Variants in DLGAP1 observed in about 807,000 individuals in gnomAD.
The protein encoded by DLGAP1 is DLG associated protein 1, also known as disks large-associated protein 1.
A neutral mutation model predicts 90.8 loss-of-function variants in DLGAP1; 11 were observed. The observed-to-expected ratio is 0.12, with a 90% CI of 0.08 to 0.20. The LOEUF is 0.20. Ranked by LOEUF, DLGAP1 falls within the 10% of genes least tolerant of loss-of-function variation. The probability of loss-of-function intolerance (pLI) is 1.00; values close to 1 mark genes in which losing one functional copy is unlikely to be tolerated. For missense variants in DLGAP1, 1,050 were observed against 1,333.8 expected (o/e 0.79, Z 3.31); for synonymous variants, 558 against 540.7 (o/e 1.03, Z -0.44).
At position 3,499,254 on chromosome 18, in the gene DLGAP1, G is replaced by A. The variant is rs759812456; in HGVS notation, c.2865C>T (p.Arg955=). 6.3e-7 allele frequency: 1 copy of A among 1,599,448 alleles called. No homozygotes were observed. Among genetic ancestry groups the A allele is most frequent in the Admixed American group, 1.7e-5 (1 of 58,948 alleles). The change falls in exon 13 of 13, where the codon CGC becomes CGT. Residue 955 remains arginine, a synonymous_variant. Coordinates refer to ENST00000315677, the MANE Select transcript of DLGAP1 (RefSeq NM_004746.4). The surrounding 1 kb of genome is among the most constrained non-coding windows in gnomAD (Gnocchi z 6.4). Reference sequence around the variant, plus strand: ...CGGCGCTCTCGGTGGCCGAGTTCTGGCGGACGGACGCGGCGCGCTTGGCGG... The same window carrying A: ...CGGCGCTCTCGGTGGCCGAGTTCTGACGGACGGACGCGGCGCGCTTGGCGG... ...LMAAKRAASV[R]QNSATESAES... is the part of the protein sequence containing the mutation.
At chr18:3,555,841 T>C (rs1348422677) in intron 9 of DLGAP1, among the ~76,000 whole-genome samples, 1 of 151,948 alleles carries the variant, frequency 6.6e-6, no homozygotes, top group Non-Finnish European at 1.5e-5. Context: ...CAAATAAATT[T>C]AAAAACCTGG....
intron 1 of DLGAP1, among the ~76,000 whole-genome samples, chr18:4,278,696 CAT>C (rs536195368): frequency 1.5e-4 from 22 of 151,510 alleles, no homozygotes; most frequent in Admixed American, 8.6e-4. Flanking sequence ...ATAACATTTT[CAT>C]ATATATATGT....
intron 3 of DLGAP1, among the ~76,000 whole-genome samples, chr18:3,915,316 T>C (rs1333357301): frequency 6.6e-6 from 1 of 152,144 alleles, no homozygotes; most frequent in Non-Finnish European, 1.5e-5. Context: ...TGTATAAAAA[T>C]AAGAGAATGC....
At chr18:4,100,703 T>C (rs1234494551) in intron 2 of DLGAP1, among the ~76,000 whole-genome samples, 1 of 137,680 alleles carries the variant, frequency 7.3e-6, no homozygotes, top group Non-Finnish European at 1.6e-5. Context: ...TGGTTTACTG[T>C]AGCCACCTTC....
intron 8 of DLGAP1, among the ~76,000 whole-genome samples, chr18:3,568,936 TC>T (rs1418253505): frequency 1.3e-5 from 2 of 151,990 alleles, no homozygotes; most frequent in African/African-American, 4.8e-5. Context: ...TCCGCCCGCC[TC>T]GGCCTCCCAA....
intron 5 of DLGAP1, among the ~76,000 whole-genome samples, chr18:3,743,069 A>C (rs1016598894): frequency 1.1e-4 from 16 of 151,774 alleles, no homozygotes; most frequent in Admixed American, 9.2e-4. Flanking sequence ...AAAAGGCACA[A>C]CTCTCAATCT....
intron 2 of DLGAP1, among the ~76,000 whole-genome samples, chr18:4,146,220 C>T (rs1433707255): frequency 6.6e-6 from 1 of 152,198 alleles, no homozygotes; most frequent in Non-Finnish European, 1.5e-5. Context: ...ATTTTATACA[C>T]TACCTCTGGT....
At chr18:4,238,110 T>C (rs970092807) in intron 1 of DLGAP1, among the ~76,000 whole-genome samples, 1 of 152,182 alleles carries the variant, frequency 6.6e-6, no homozygotes, top group African/African-American at 2.4e-5. Context: ...ATTTTAGATG[T>C]CAGATTTTTG....
intron 1 of DLGAP1, among the ~76,000 whole-genome samples, chr18:4,176,917 T>G (rs796510533): frequency 3.2e-4 from 48 of 152,300 alleles, no homozygotes; most frequent in African/African-American, 1.1e-3. Flanking sequence ...TCATGCACTG[T>G]GTGCCCAGCA....
At chr18:3,958,454 G>C (rs1294846266) in intron 3 of DLGAP1, among the ~76,000 whole-genome samples, 1 of 101,070 alleles carries the variant, frequency 9.9e-6, no homozygotes, top group Admixed American at 1.3e-4. Context: ...TGCAAATTAG[G>C]ATAAGCAAAA....
intron 7 of DLGAP1, among the ~76,000 whole-genome samples, chr18:3,651,124 G>T (rs1449556722): frequency 2.0e-5 from 3 of 151,640 alleles, no homozygotes; most frequent in Non-Finnish European, 4.4e-5. Context: ...ACTTTGGGAG[G>T]CTGAGGTGGG....
intron 1 of DLGAP1, among the ~76,000 whole-genome samples, chr18:4,436,151 T>C (rs927152702): frequency 6.6e-6 from 1 of 152,294 alleles, no homozygotes; most frequent in Non-Finnish European, 1.5e-5. Flanking sequence ...ATGGTCATAT[T>C]AGGGAGATAC....
intron 4 of DLGAP1, among the ~76,000 whole-genome samples, chr18:3,833,198 C>A (rs1259067780): frequency 0.047 from 531 of 11,246 alleles, 61 homozygotes; most frequent in African/African-American, 0.12. Flanking sequence ...TCCTTCCTTC[C>A]TTCCTTCCTT....
At chr18:4,128,049 C>T (rs1056338275) in intron 2 of DLGAP1, among the ~76,000 whole-genome samples, 19 of 152,188 alleles carry the variant, frequency 1.2e-4, no homozygotes, top group African/African-American at 4.3e-4. Flanking sequence ...CACAATATTT[C>T]CCCTCAATAA....
intron 3 of DLGAP1, among the ~76,000 whole-genome samples, chr18:4,000,950 T>A (rs1244928175): frequency 6.6e-6 from 1 of 152,234 alleles, no homozygotes; most frequent in Non-Finnish European, 1.5e-5. Flanking sequence ...AGTGTATTTT[T>A]ATGTCAGAAA....
intron 9 of DLGAP1, among the ~76,000 whole-genome samples, chr18:3,538,519 G>A (rs78127100): frequency 0.044 from 6,671 of 152,262 alleles, 478 homozygotes; most frequent in African/African-American, 0.15. Flanking sequence ...TTTCTTGGCT[G>A]CAGTAGGCTA....
At chr18:3,925,042 G>A (rs1202692842) in intron 3 of DLGAP1, among the ~76,000 whole-genome samples, 4 of 151,910 alleles carry the variant, frequency 2.6e-5, no homozygotes, top group Admixed American at 6.6e-5. Flanking sequence ...AACCTCCGCC[G>A]CCTGAGTTCA....
At chr18:3,899,005 G>A (rs2071722963) in intron 3 of DLGAP1, among the ~76,000 whole-genome samples, 2 of 152,096 alleles carry the variant, frequency 1.3e-5, no homozygotes, top group Non-Finnish European at 2.9e-5. Context: ...TTAACCTGCA[G>A]CTTTCAATTT....
At chr18:4,086,030 T>C (rs1438776105) in intron 2 of DLGAP1, among the ~76,000 whole-genome samples, 2 of 152,208 alleles carry the variant, frequency 1.3e-5, no homozygotes, top group African/African-American at 4.8e-5. Context: ...GTTGTTCGTG[T>C]CAAATAACTA....
Sources: gnomAD v4.1 joint callset for allele counts (sites outside exome capture counted in the v4.1 genomes callset) on GRCh38, gnomAD v4.1.1 for gene constraint, Gnocchi (gnomAD v3.1) non-coding constraint, MANE v1.5 for transcripts, NCBI Gene and HGNC (gene_info 2026-07-23, HGNC 2026-07-21) for gene names.